The following KCNT1 variants were observed in gnomAD, a reference collection of about 807,000 sequenced individuals.
KCNT1 encodes potassium sodium-activated channel subfamily T member 1.
KCNT1 carries 78 observed loss-of-function variants against 147.8 expected under a neutral mutation model. That is an observed-to-expected ratio of 0.53 (90% CI 0.44 to 0.64). The LOEUF (loss-of-function observed/expected upper bound fraction) is 0.64, where lower values mean the gene tolerates loss of function less well. Ranked by LOEUF, KCNT1 falls within the 30% of genes least tolerant of loss-of-function variation. The pLI is 0.00. For missense variants in KCNT1, 1,419 were observed against 1,750.3 expected (o/e 0.81, Z 3.38); for synonymous variants, 867 against 748.8 (o/e 1.16, Z -2.58).
intron 2 of KCNT1, among the ~76,000 whole-genome samples, chr9:135,726,772 TTC>T: frequency 1.0e-5 from 1 of 95,720 alleles, no homozygotes; most frequent in Non-Finnish European, 2.2e-5. Context: ...TCTCTCTCTC[TTC>T]CTCTCTCTCC....
chr9:135,770,265 G>T lies in KCNT1; in HGVS notation c.1620-33G>T, dbSNP rs762669757. ...GGAGAAGGGGCAGCCATGGCCGAGG[G>T]TGACGCTCCCCTGGCCCCGCCCTGG... On this transcript the variant is annotated intron_variant, in intron 16 of 30. Coordinates refer to ENST00000371757, the MANE Select transcript of KCNT1 (RefSeq NM_020822.3). The T allele has an allele frequency of 3.2e-6, 5 of 1,560,352 alleles. No individual in the cohort carries two copies. In the East Asian group the frequency reaches 9.1e-5, roughly 28 times the overall value.
At chr9:135,785,125 C>T (rs562060269) in intron 27 of KCNT1, among the ~76,000 whole-genome samples, 185 bp from the exon 28 acceptor site, 164 of 152,296 alleles carry the variant, frequency 1.1e-3, no homozygotes, top group African/African-American at 3.8e-3. Context: ...ATGACCCCTA[C>T]CGGGGGCAGA....
intron 29 of KCNT1, among the ~76,000 whole-genome samples, chr9:135,787,914 G>A (rs1006864160): frequency 7.2e-5 from 11 of 152,150 alleles, no homozygotes; most frequent in Admixed American, 5.2e-4. Flanking sequence ...CTCTGCGACC[G>A]CTGCCTGCCC....
At chr9:135,774,400 C>A (rs1427581701) in intron 19 of KCNT1, among the ~76,000 whole-genome samples, 1 of 91,974 alleles carries the variant, frequency 1.1e-5, no homozygotes. Context: ...GTTGTGTGTC[C>A]GTGTGTGTGT....
intron 1 of KCNT1, among the ~76,000 whole-genome samples, chr9:135,709,952 A>G (rs569374): frequency 0.86 from 130,520 of 152,222 alleles, 56,700 homozygotes; most frequent in Non-Finnish European, 0.93. Context: ...AAGTGCTGGG[A>G]TGACAGGCTT....
chr9:135,751,130 G>T, intron 4 of KCNT1, 89 bp downstream of exon 4: 1 of 1,245,696 alleles, frequency 8.0e-7, no homozygotes, highest in Non-Finnish European at 1.2e-6. Flanking sequence ...TGGCGTCCCT[G>T]GGGGAGCCCC....
At chr9:135,731,969 T>C (rs1439188002) in intron 2 of KCNT1, among the ~76,000 whole-genome samples, 12 of 21,296 alleles carry the variant, frequency 5.6e-4, no homozygotes, top group African/African-American at 2.1e-3. Flanking sequence ...TGTATATATA[T>C]ATATATATAT....
intron 1 of KCNT1, among the ~76,000 whole-genome samples, chr9:135,709,224 G>A (rs909114914): frequency 1.3e-5 from 2 of 152,134 alleles, no homozygotes; most frequent in Non-Finnish European, 2.9e-5. Flanking sequence ...TTTAAATGGG[G>A]TTCATTATAT....
intron 29 of KCNT1, among the ~76,000 whole-genome samples, chr9:135,787,396 G>A (rs1471299826): frequency 2.0e-5 from 3 of 152,200 alleles, no homozygotes; most frequent in African/African-American, 7.2e-5. Context: ...CCGCTACCCA[G>A]TGACACCCAC....
At chr9:135,726,215 C>T (rs1350696847) in intron 2 of KCNT1, among the ~76,000 whole-genome samples, 1 of 152,080 alleles carries the variant, frequency 6.6e-6, no homozygotes, top group Non-Finnish European at 1.5e-5. Flanking sequence ...CAGCTGAGGG[C>T]CTGCGGTGGA....
intron 18 of KCNT1, among the ~76,000 whole-genome samples, chr9:135,771,776 C>T (rs932057891): frequency 2.6e-5 from 4 of 152,000 alleles, no homozygotes; most frequent in African/African-American, 9.7e-5. Flanking sequence ...GCCCCCTCCC[C>T]AGCCAGGCCT....
chr9:135,769,308 C>T (rs951988048), intron 15 of KCNT1, among the ~76,000 whole-genome samples: 1 of 150,958 alleles, frequency 6.6e-6, no homozygotes, highest in East Asian at 2.0e-4. Context: ...GGCGCGTGTG[C>T]ACACGTGGGT....
chr9:135,791,911 C>G, intron 30 of KCNT1, 30 bp downstream of exon 30: 1 of 1,596,422 alleles, frequency 6.3e-7, no homozygotes, highest in Non-Finnish European at 8.5e-7. Context: ...TGTGTGGAGA[C>G]CCCCCCTGAG....
intron 1 of KCNT1, among the ~76,000 whole-genome samples, chr9:135,712,675 C>A (rs1292951909): frequency 6.6e-6 from 1 of 152,234 alleles, no homozygotes; most frequent in Non-Finnish European, 1.5e-5. Context: ...GGGCCCCTTT[C>A]CCAGAGACCC....
At chr9:135,760,034 C>T (rs185622503) in intron 11 of KCNT1, among the ~76,000 whole-genome samples, 175 bp downstream of exon 11, 19 of 152,268 alleles carry the variant, frequency 1.2e-4, no homozygotes, top group East Asian at 1.9e-4. Flanking sequence ...GGGTCTACGG[C>T]GGGTCCGGTG....
At chr9:135,756,227 G>C (rs925113009) in intron 6 of KCNT1, among the ~76,000 whole-genome samples, 1 of 152,096 alleles carries the variant, frequency 6.6e-6, no homozygotes. Flanking sequence ...ACCGACCCAG[G>C]CTCTACTGCT....
chr9:135,791,405 GAA>G, intron 29 of KCNT1: 2 of 221,096 alleles, frequency 9.0e-6, no homozygotes, highest in Non-Finnish European at 1.8e-5. Context: ...AGGTGTAGAT[GAA>G]GGCATGCATG....
chr9:135,717,573 G>C (rs1238448847), intron 2 of KCNT1, among the ~76,000 whole-genome samples: 1 of 152,146 alleles, frequency 6.6e-6, no homozygotes, highest in African/African-American at 2.4e-5. Flanking sequence ...GGGGGCGCAG[G>C]GGCAAGTGAG....
chr9:135,746,556 G>A (rs1830843341), intron 2 of KCNT1, among the ~76,000 whole-genome samples: 1 of 152,244 alleles, frequency 6.6e-6, no homozygotes, highest in Non-Finnish European at 1.5e-5. Context: ...CCTGGCTGTG[G>A]AGGCCAAGGG....
Sources: allele counts gnomAD v4.1 joint callset (sites outside exome capture counted in the v4.1 genomes callset), GRCh38; gene constraint gnomAD v4.1.1; transcripts MANE v1.5; gene names NCBI Gene and HGNC (gene_info 2026-07-23, HGNC 2026-07-21).